Variants in MMP25 observed in about 807,000 individuals in gnomAD.
The protein encoded by MMP25 is matrix metalloproteinase-25.
MMP25 carries 68 observed loss-of-function variants against 62.1 expected under a neutral mutation model. The ratio of observed to expected loss-of-function variants is 1.10; its 90% CI spans 0.90 to 1.34. The LOEUF (loss-of-function observed/expected upper bound fraction) is 1.34. Ranked by LOEUF, MMP25 falls within the 40% of genes most tolerant of loss-of-function variation. The pLI is 0.00. For missense variants in MMP25, 942 were observed against 792.5 expected, an observed-to-expected ratio of 1.19 and a Z score of -2.26; for synonymous variants, 407 against 345.6, an observed-to-expected ratio of 1.18 and a Z score of -1.97.
chr16:3,059,471 G>A lies in MMP25; in HGVS notation c.*373G>A, dbSNP rs949125663. The stretch of plus-strand genomic sequence containing the variant: ...GGCGGGGAGGACAAGGGGCGGGCCC[G>A]CGGCCTCACCCGGAGGGACGGCAGC... On this transcript the variant is annotated 3_prime_UTR_variant, in exon 10 of 10. Transcript: ENST00000336577. 6.8e-5 allele frequency: 13 copies of A among 192,456 alleles called. No homozygotes were observed. The highest frequency in any genetic ancestry group is 4.0e-3 in the Middle Eastern group (2 of 506). The allele number at this position is 192,456 out of a possible 1,614,324, so 11.9% of individuals were successfully genotyped here. A position where few individuals can be genotyped will look rare whatever the true frequency, so the allele number is the denominator to read the frequency against.
Position 3,050,477 on chromosome 16 carries a change from C to T in MMP25, c.592C>T (p.Pro198Ser), listed in dbSNP as rs1260539871. Residue 198 changes from proline to serine, a missense_variant, in exon 4 of 10, where the codon CCT becomes TCT. Physicochemically the swap from Pro to Ser is moderately conservative, Grantham distance 74. Transcript: ENST00000336577. Reference protein sequence around the residue: ...LGGTLAHAFFPGEHPISGDTH... With the variant: ...LGGTLAHAFFSGEHPISGDTH... ...GGGCACCCTAGCCCATGCCTTCTTC[C>T]CTGGGGAGCACCCCATCTCCGGGGA... The T allele has an allele frequency of 6.2e-7, 1 of 1,608,070 alleles. No individual in the cohort carries two copies. Among genetic ancestry groups the T allele is most frequent in the Non-Finnish European group, 8.5e-7 (1 of 1,176,138 alleles).
At position 3,057,317 on chromosome 16, in the gene MMP25, G is replaced by T. The variant is rs139849403; in HGVS notation, c.846G>T (p.Ala282=). 1 of 1,613,922 alleles carries T rather than the reference G, an allele frequency of 6.2e-7. No homozygotes were observed. The highest frequency in any genetic ancestry group is 1.1e-5 in the South Asian group (1 of 91,042). Reference sequence around the variant, plus strand: ...CTGACTCTTTCCTCACAGGGAAGGCGCCCCAAACCCCATATGACAAGCCCA... The same window carrying T: ...CTGACTCTTTCCTCACAGGGAAGGCTCCCCAAACCCCATATGACAAGCCCA... The part of the protein sequence containing the change: ...RDGLQQLYGK[A]PQTPYDKPTR... The change falls in exon 6 of 10, where the codon GCG becomes GCT. Residue 282 remains alanine (A), a synonymous_variant. Transcript: ENST00000336577.
At chr16:3,058,104 C>T in intron 7 of MMP25, 77 bp from the exon 8 acceptor site, 1 of 1,542,072 alleles carries the variant, frequency 6.5e-7, no homozygotes, top group Non-Finnish European at 8.8e-7. Context: ...GGACCCCTCC[C>T]CACCCAGCCA....
intron 2 of MMP25, 87 bp downstream of exon 2, chr16:3,047,634 G>C: frequency 6.9e-7 from 1 of 1,455,896 alleles, no homozygotes; most frequent in Non-Finnish European, 9.4e-7. Flanking sequence ...TGTGCTCCTG[G>C]AACACGGAGC....
chr16:3,057,244 T>A, intron 5 of MMP25, 35 bp downstream of exon 5: 1 of 1,613,820 alleles, frequency 6.2e-7, no homozygotes, highest in Non-Finnish European at 8.5e-7. Flanking sequence ...AAACCATCAT[T>A]GCCCCATCCA....
rs376718185 is a variant in MMP25, at chr16:3,057,588, C to T, written c.981C>T (p.Ile327=). The change falls in exon 7 of 10, where the codon ATC becomes ATT. Residue 327 remains isoleucine, a synonymous_variant. Transcript: ENST00000336577. ...CEGNFDAIAN[I]RGETFFFKGP... ...GCAATTTTGACGCCATCGCCAACAT[C>T]CGAGGGGAAACTTTCTTCTTCAAAG... The T allele has an allele frequency of 1.5e-5, 24 of 1,614,064 alleles. No homozygotes were observed. Among genetic ancestry groups the T allele is most frequent in the Non-Finnish European group, 1.9e-5 (22 of 1,180,026 alleles).
intron 4 of MMP25, chr16:3,055,784 C>T (rs1955995521): frequency 2.2e-6 from 1 of 453,840 alleles, no homozygotes; most frequent in South Asian, 1.6e-5. Flanking sequence ...TAACTGGGGC[C>T]TCCCTGTGGT....
At chr16:3,053,571 C>G (rs1955943567) in intron 4 of MMP25, 1 of 152,282 alleles carries the variant, frequency 6.6e-6, no homozygotes, top group African/African-American at 2.4e-5. Context: ...GCTGTCGGAG[C>G]TGGGCTAGCG....
At chr16:3,051,059 G>A (rs1955895527) in intron 4 of MMP25, 1 of 152,368 alleles carries the variant, frequency 6.6e-6, no homozygotes, top group African/African-American at 2.4e-5. Context: ...TCAAAGCATT[G>A]GGATTATAAG....
In MMP25 at chr16:3,057,369, C is replaced by A; in HGVS notation, c.898C>A (p.Gln300Lys). The A allele has an allele frequency of 6.2e-7, 1 of 1,613,452 alleles. No homozygotes were observed. Among genetic ancestry groups the A allele is most frequent in the Non-Finnish European group, 8.5e-7 (1 of 1,179,688 alleles). ...AAGGAAACCCCTGGCTCCTCCGCCC[C>A]AGCCCCCGGCCTCGCCCACACACAG... ...PTRKPLAPPP[Q>K]PPASPTHSPS... is the part of the protein sequence containing the mutation. Residue 300 changes from glutamine (Q) to lysine (K), a missense_variant, in exon 6 of 10, where the codon CAG becomes AAG. Coordinates refer to ENST00000336577, the MANE Select transcript of MMP25 (RefSeq NM_022468.5).
chr16:3,056,106 A>G lies in MMP25; in HGVS notation c.662-927A>G, dbSNP rs528353845. The G allele has an allele frequency of 6.1e-3, 1,856 of 303,150 alleles. 53 individuals carry two copies. Among genetic ancestry groups the G allele is most frequent in the African/African-American group, 0.039 (1,684 of 43,324 alleles). 18.8% of individuals were successfully genotyped at this position (303,150 alleles called of 1,614,324 possible). A position where few individuals can be genotyped will look rare whatever the true frequency, so the allele number is the denominator to read the frequency against. On this transcript the variant is annotated intron_variant, in intron 4 of 9. Coordinates refer to ENST00000336577, the MANE Select transcript of MMP25 (RefSeq NM_022468.5). ...AGGGAGAGGAGGGGCAGAGGCTGTG[A>G]ACAGGGAGATGGGGGAGGGGGGATG...
chr16:3,057,458 A>T, intron 6 of MMP25, 64 bp downstream of exon 6: 1 of 1,595,346 alleles, frequency 6.3e-7, no homozygotes. Context: ...GTCCTCTGAG[A>T]TGGGGATGGT....
rs1956078818 is a variant in MMP25, at chr16:3,059,466, G to A, written c.*368G>A. 5 of 196,278 alleles carry A rather than the reference G, an allele frequency of 2.5e-5. No homozygotes were observed. Among genetic ancestry groups the A allele is most frequent in the Non-Finnish European group, 5.1e-5 (5 of 97,350 alleles). The allele number at this position is 196,278 out of a possible 1,614,324, so 12.2% of individuals were successfully genotyped here. A position where few individuals can be genotyped will look rare whatever the true frequency, so the allele number is the denominator to read the frequency against. The stretch of plus-strand genomic sequence containing the variant: ...GGAGGGGCGGGGAGGACAAGGGGCG[G>A]GCCCGCGGCCTCACCCGGAGGGACG... On this transcript the variant is annotated 3_prime_UTR_variant, in exon 10 of 10. Transcript: ENST00000336577.
chr16:3,055,014 A>G (rs544092638), intron 4 of MMP25: 2 of 153,498 alleles, frequency 1.3e-5, no homozygotes, highest in South Asian at 1.9e-4. Context: ...GAAGTTACAG[A>G]TGACATCGAT....
chr16:3,057,974 A>G, intron 7 of MMP25: 1 of 611,010 alleles, frequency 1.6e-6, no homozygotes, highest in Non-Finnish European at 2.8e-6. Context: ...ATGTGCTGGC[A>G]TTACAGGTCT....
Position 3,058,664 on chromosome 16 carries a change from A to G in MMP25, c.1412A>G (p.Asn471Ser), listed in dbSNP as rs753539682. 7 of 1,597,210 alleles carry G rather than the reference A, an allele frequency of 4.4e-6. No individual in the cohort carries two copies. The highest frequency in any genetic ancestry group is 6.0e-6 in the Non-Finnish European group (7 of 1,171,612). Residue 471 changes from asparagine (N) to serine (S), a missense_variant, in exon 9 of 10, where the codon AAC becomes AGC. Asn to Ser is a conservative substitution (Grantham distance 46). Transcript: ENST00000336577. ...PPSPDDVTVS[N>S]AGDTYFFKGA... ...TCCCCTGACGATGTCACCGTCAGCA[A>G]CGCAGGTGGGGAGCGCGGTGACCTG... is the stretch of plus-strand genomic sequence containing the variant.
rs570836504 is a variant in MMP25, at chr16:3,055,550, T to G, written c.662-1483T>G. ...TACCTTGAAGTCTCTGTGCCTCAGT[T>G]TCCTCCTCTGTAAAATGGGCATAGG... is the stretch of plus-strand genomic sequence containing the variant. On this transcript the variant is annotated intron_variant, in intron 4 of 9. Coordinates refer to ENST00000336577, the MANE Select transcript of MMP25 (RefSeq NM_022468.5). Among the ~76,000 whole-genome samples, 21 of 152,244 alleles carry G rather than the reference T, an allele frequency of 1.4e-4. No individual in the cohort carries two copies. The South Asian group carries it at 4.4e-3, about 32-fold the overall frequency.
chr16:3,047,622 A>G, intron 2 of MMP25, 75 bp downstream of exon 2: 2 of 1,508,100 alleles, frequency 1.3e-6, no homozygotes, highest in East Asian at 2.3e-5. Flanking sequence ...TTTAGACCTC[A>G]GTGTGCTCCT....
chr16:3,046,944 G>A lies in MMP25; in HGVS notation c.27G>A (p.Ala9=). ...TGCGGCTGCGGCTCCGGCTTCTGGC[G>A]CTGCTGCTTCTGCTGCTGGCACCGC... is the stretch of plus-strand genomic sequence containing the variant. MRLRLRLL[A]LLLLLLAPPA... Residue 9 remains alanine, a synonymous_variant, in exon 1 of 10, where the codon GCG becomes GCA. Transcript: ENST00000336577. 1 of 1,468,388 alleles carries A rather than the reference G, an allele frequency of 6.8e-7. No individual in the cohort carries two copies. The highest frequency in any genetic ancestry group is 8.9e-7 in the Non-Finnish European group (1 of 1,118,194). 91.0% of individuals were successfully genotyped at this position (1,468,388 alleles called of 1,614,324 possible).
Sources: gnomAD v4.1 joint callset for allele counts (sites outside exome capture counted in the v4.1 genomes callset) on GRCh38, gnomAD v4.1.1 for gene constraint, MANE v1.5 for transcripts, NCBI Gene and HGNC (gene_info 2026-07-23, HGNC 2026-07-21) for gene names.